The following DYSF variants were observed in gnomAD, a reference collection of about 807,000 sequenced individuals.
The protein encoded by DYSF is dysferlin, also known as dystrophy-associated fer-1-like 1.
Under a neutral mutation model 274.9 loss-of-function variants are expected in DYSF, and 212 were observed. The ratio of observed to expected loss-of-function variants is 0.77; its 90% CI spans 0.69 to 0.86. The LOEUF is 0.86. Ranked by LOEUF, DYSF falls within the 40% of genes least tolerant of loss-of-function variation. The pLI, the probability that DYSF is intolerant of heterozygous loss-of-function variation, is 0.00. For synonymous variants in DYSF, 1,091 were observed against 1,078.7 expected (o/e 1.01, Z -0.22); for missense variants, 2,666 against 2,783.2 (o/e 0.96, Z 0.95).
intron 41 of DYSF, among the ~76,000 whole-genome samples, chr2:71,634,939 A>G (rs2094374236): frequency 6.6e-6 from 1 of 152,162 alleles, no homozygotes; most frequent in South Asian, 2.1e-4. Flanking sequence ...CAAGCCCTAC[A>G]GGGAGTGGGG....
Position 71,513,940 on chromosome 2 carries a change from C to T in DYSF, c.759+19C>T. The T allele has an allele frequency of 6.2e-7, 1 of 1,613,998 alleles. No individual in the cohort carries two copies. Among genetic ancestry groups the T allele is most frequent in the African/African-American group, 1.3e-5 (1 of 75,042 alleles). ...TTTCCAGGTGATGAACGGGCTTTCT[C>T]TGACCCCAGGCTCCTCTTCAGCCAT... On this transcript the variant is annotated intron_variant, in intron 7 of 55. Coordinates refer to ENST00000410020, the MANE Select transcript of DYSF (RefSeq NM_001130987.2).
intron 42 of DYSF, among the ~76,000 whole-genome samples, chr2:71,649,622 A>G (rs932075645): frequency 1.3e-5 from 2 of 152,218 alleles, no homozygotes; most frequent in African/African-American, 4.8e-5. Context: ...TCCAGCTATC[A>G]GAACTGTCAC....
chr2:71,453,911 A>C, exon 1 of DYSF: 3 of 1,327,838 alleles, frequency 2.3e-6, no homozygotes, highest in Non-Finnish European at 3.2e-6. Flanking sequence ...CTCTCCAGCG[A>C]GGGGACCCAC....
intron 17 of DYSF, among the ~76,000 whole-genome samples, chr2:71,547,532 C>T: frequency 6.6e-6 from 1 of 152,140 alleles, no homozygotes; most frequent in Non-Finnish European, 1.5e-5. Context: ...ATCATAGCTA[C>T]TTGGGAGGCT....
rs553075162 is a variant in DYSF at position 71,524,319 on chromosome 2, A to G, written c.1150-1901A>G. On this transcript the variant is annotated intron_variant, in intron 12 of 55. Transcript: ENST00000410020. ...TGATGGGGACAATATAGCAAATGTG[A>G]TATCTTTTATCTCCCCTCTTGCCTA... 7.9e-4 allele frequency among the ~76,000 whole-genome samples: 120 copies of G among 152,258 alleles called. No homozygotes were observed. The South Asian group carries it at 0.024, about 30-fold the overall frequency.
intron 22 of DYSF, 34 bp downstream of exon 22, chr2:71,556,105 C>A: frequency 6.6e-7 from 1 of 1,522,402 alleles, no homozygotes; most frequent in Non-Finnish European, 8.9e-7. Flanking sequence ...GTGCCCACCT[C>A]TCCTGGCTCA....
At position 71,564,186 on chromosome 2, in the gene DYSF, T is replaced by C; in HGVS notation, c.2538T>C (p.Cys846=). 3 of 1,614,268 alleles carry C rather than the reference T, an allele frequency of 1.9e-6. No homozygotes were observed. The highest frequency in any genetic ancestry group is 2.5e-6 in the Non-Finnish European group (3 of 1,180,048). The change falls in exon 24 of 56, where the codon TGT becomes TGC. Residue 846 remains cysteine (C), a synonymous_variant. Coordinates refer to ENST00000410020, the MANE Select transcript of DYSF (RefSeq NM_001130987.2). ...RRGANYCGKN[C]GKLQTIFLKY... Reference sequence around the variant, plus strand: ...GTGCCAACTACTGTGGCAAGAATTGTGGGAAGCTACAGACAATCTTTCTGA... The same window carrying C: ...GTGCCAACTACTGTGGCAAGAATTGCGGGAAGCTACAGACAATCTTTCTGA...
chr2:71,644,352 C>T (rs1289672567), intron 42 of DYSF, among the ~76,000 whole-genome samples: 1 of 152,154 alleles, frequency 6.6e-6, no homozygotes, highest in Non-Finnish European at 1.5e-5. Flanking sequence ...CAGCCCCCTA[C>T]CCCTTCCCAA....
chr2:71,483,889 C>T (rs2083142871), intron 3 of DYSF, among the ~76,000 whole-genome samples: 1 of 151,860 alleles, frequency 6.6e-6, no homozygotes, highest in African/African-American at 2.4e-5. Context: ...TTGGTCTCTT[C>T]TGGAGAGTTC....
At chr2:71,553,216 C>G (rs771545413) in intron 20 of DYSF, 28 bp downstream of exon 20, 1 of 1,613,586 alleles carries the variant, frequency 6.2e-7, no homozygotes, top group Non-Finnish European at 8.5e-7. Context: ...GCTGGGACCC[C>G]GATCACAGGA....
intron 14 of DYSF, among the ~76,000 whole-genome samples, chr2:71,534,223 C>T (rs2089059367): frequency 6.6e-6 from 1 of 152,214 alleles, no homozygotes; most frequent in Non-Finnish European, 1.5e-5. Flanking sequence ...CAGGGCTTAT[C>T]ATAGTAAATG....
rs772653002 is a variant in DYSF at position 71,667,364 on chromosome 2, T to C, written c.5318-12T>C. ...CAGCTCCTGCAACTTTTTTGTCTTC[T>C]CTCTGGGGCAGAGGCTGGCAGGATC... is the stretch of plus-strand genomic sequence containing the variant. On this transcript the variant is annotated splice_polypyrimidine_tract_variant and intron_variant, in intron 47 of 55. Coordinates refer to ENST00000410020, the MANE Select transcript of DYSF (RefSeq NM_001130987.2). The C allele has an allele frequency of 1.1e-5, 17 of 1,613,936 alleles. No individual in the cohort carries two copies. In the Admixed American group the frequency reaches 2.7e-4, roughly 25 times the overall value.
upstream of DYSF, among the ~76,000 whole-genome samples, chr2:71,461,855 G>A (rs752091000): frequency 5.9e-5 from 9 of 152,156 alleles, no homozygotes; most frequent in Non-Finnish European, 1.2e-4. Context: ...TGAGCAGAGA[G>A]GCAAGGTTTG....
At chr2:71,543,546 A>T (rs1249821457) in intron 17 of DYSF, among the ~76,000 whole-genome samples, 2 of 152,168 alleles carry the variant, frequency 1.3e-5, no homozygotes, top group Non-Finnish European at 1.5e-5. Context: ...GCCGAGATCA[A>T]GCCACTGCAC....
intron 40 of DYSF, among the ~76,000 whole-genome samples, chr2:71,617,912 G>C (rs202167853): frequency 1.1e-5 from 1 of 87,184 alleles, no homozygotes; most frequent in South Asian, 4.3e-4. Flanking sequence ...TGTGGTAGAG[G>C]TGTGTGTGTG....
intron 30 of DYSF, among the ~76,000 whole-genome samples, chr2:71,583,876 G>C (rs944033933): frequency 1.3e-5 from 2 of 152,144 alleles, no homozygotes. Context: ...ATTGGCTCTG[G>C]GGACCCCTGG....
chr2:71,528,285 T>A lies in DYSF; in HGVS notation c.1277-13T>A. 1 of 1,610,750 alleles carries A rather than the reference T, an allele frequency of 6.2e-7. No individual in the cohort carries two copies. The highest frequency in any genetic ancestry group is 1.1e-5 in the South Asian group (1 of 90,574). ...CAGCAGGCAGGCAGTGACTGGTGTG[T>A]CCCTCTTCCCAGTGGACGATGCCGT... On this transcript the variant is annotated splice_polypyrimidine_tract_variant and intron_variant, in intron 13 of 55. Coordinates refer to ENST00000410020, the MANE Select transcript of DYSF (RefSeq NM_001130987.2).
chr2:71,600,636 C>T (rs918635939), intron 33 of DYSF, 66 bp from the exon 34 acceptor site: 49 of 1,610,774 alleles, frequency 3.0e-5, no homozygotes, highest in Admixed American at 5.0e-5. Flanking sequence ...TAGACCTGAT[C>T]TCTCTGAGGC....
At chr2:71,520,298 G>T (rs1339599354) in intron 11 of DYSF, 90 bp downstream of exon 11, 14 of 1,408,104 alleles carry the variant, frequency 9.9e-6, no homozygotes, top group Non-Finnish European at 1.3e-5. Flanking sequence ...TGTCCCTCCT[G>T]GGGGTTTTAG....
Sources: allele counts gnomAD v4.1 joint callset (sites outside exome capture counted in the v4.1 genomes callset), GRCh38; gene constraint gnomAD v4.1.1; transcripts MANE v1.5; gene names NCBI Gene and HGNC (gene_info 2026-07-23, HGNC 2026-07-21).